The following FAF1 variants were observed in gnomAD, a reference collection of about 807,000 sequenced individuals.
FAF1 encodes FAS-associated factor 1.
In FAF1, 25 loss-of-function variants were observed where a neutral mutation model predicts 92.5. The ratio of observed to expected loss-of-function variants is 0.27; its 90% confidence interval spans 0.20 to 0.38. The LOEUF is 0.38. Among genes scored for constraint, FAF1 ranks in the 10% least tolerant of loss-of-function variants. The probability of loss-of-function intolerance (pLI) is 1.00; values close to 1 mark genes in which losing one functional copy is unlikely to be tolerated. For missense variants in FAF1, 636 were observed against 793.3 expected (o/e 0.80, Z 2.38); for synonymous variants, 234 against 273.2 (o/e 0.86, Z 1.42).
intron 6 of FAF1, among the ~76,000 whole-genome samples, chr1:50,725,225 G>A (rs1225448309): frequency 6.6e-6 from 1 of 152,110 alleles, no homozygotes; most frequent in East Asian, 1.9e-4. Flanking sequence ...TAAAACTCTA[G>A]AAGAGCCTCT....
At chr1:50,730,629 T>C (rs1180395317) in intron 6 of FAF1, among the ~76,000 whole-genome samples, 1 of 152,258 alleles carries the variant, frequency 6.6e-6, no homozygotes, top group African/African-American at 2.4e-5. Context: ...ACATTTAATT[T>C]TCTCATGCCA....
chr1:50,603,674 C>T (rs1231436146), intron 8 of FAF1, among the ~76,000 whole-genome samples: 1 of 152,148 alleles, frequency 6.6e-6, no homozygotes, highest in Non-Finnish European at 1.5e-5. Flanking sequence ...AAAAGTCACA[C>T]AGAGCTTTAA....
rs143703999 is a variant in FAF1, at chr1:50,611,784, C to T, written c.745-15568G>A. Among the ~76,000 whole-genome samples the T allele has an allele frequency of 3.9e-5, 6 of 152,268 alleles. No homozygotes were observed. The East Asian group carries it at 1.2e-3, about 29-fold the overall frequency. On this transcript the variant is annotated intron_variant, in intron 8 of 18. Transcript: ENST00000396153. ...ATTCACAAATACCCACCGTACATTA[C>T]TTGGTCAGAGTTAACAGGAATTAAC...
At chr1:50,701,437 A>C (rs1657470460) in intron 7 of FAF1, among the ~76,000 whole-genome samples, 1 of 152,132 alleles carries the variant, frequency 6.6e-6, no homozygotes, top group South Asian at 2.1e-4. Context: ...ACATTTACAG[A>C]AAGGCCATGT....
At chr1:50,509,158 A>G (rs950038323) in intron 15 of FAF1, among the ~76,000 whole-genome samples, 11 of 152,238 alleles carry the variant, frequency 7.2e-5, no homozygotes, top group South Asian at 4.1e-4. Flanking sequence ...ATACAATGGA[A>G]TATTATTCAA....
intron 13 of FAF1, among the ~76,000 whole-genome samples, chr1:50,562,607 C>G (rs1011127140): frequency 1.3e-5 from 2 of 152,172 alleles, no homozygotes. Context: ...TCTTTGACCC[C>G]CTTGGGTACA....
chr1:50,684,164 C>G (rs1182425858), intron 7 of FAF1, among the ~76,000 whole-genome samples: 14 of 151,302 alleles, frequency 9.3e-5, no homozygotes, highest in Admixed American at 9.2e-4. Flanking sequence ...AAAGTCATAG[C>G]AGGAGTAGCT....
chr1:50,692,470 CA>C (rs1044118889), intron 7 of FAF1, among the ~76,000 whole-genome samples: 1 of 152,192 alleles, frequency 6.6e-6, no homozygotes, highest in African/African-American at 2.4e-5. Context: ...ACCCCACCAC[CA>C]GCCTCTGGTA....
At chr1:50,952,254 C>A (rs1198377221) in intron 1 of FAF1, among the ~76,000 whole-genome samples, 4 of 152,196 alleles carry the variant, frequency 2.6e-5, no homozygotes, top group African/African-American at 7.2e-5. Flanking sequence ...ATTGCAGGCG[C>A]GCGCCGCCAC....
chr1:50,888,587 G>C (rs1644690150), intron 1 of FAF1, among the ~76,000 whole-genome samples: 1 of 152,062 alleles, frequency 6.6e-6, no homozygotes, highest in African/African-American at 2.4e-5. Context: ...TAGCATGAAG[G>C]GCTGTAGAAT....
chr1:50,881,755 T>A (rs1394986742), intron 1 of FAF1, among the ~76,000 whole-genome samples: 1 of 152,240 alleles, frequency 6.6e-6, no homozygotes, highest in African/African-American at 2.4e-5. Context: ...TCTAAAACAC[T>A]TGAATCTTAT....
chr1:50,693,356 G>C (rs1657023799), intron 7 of FAF1, among the ~76,000 whole-genome samples: 1 of 151,938 alleles, frequency 6.6e-6, no homozygotes. Flanking sequence ...TAAATGTAAG[G>C]GTTTCTTTCT....
chr1:50,702,703 A>G (rs774697989), intron 7 of FAF1, among the ~76,000 whole-genome samples: 2 of 152,154 alleles, frequency 1.3e-5, no homozygotes, highest in Non-Finnish European at 2.9e-5. Flanking sequence ...GAGCACCTAA[A>G]GGACACAAGT....
At chr1:50,637,209 G>A (rs775499455) in intron 8 of FAF1, among the ~76,000 whole-genome samples, 1 of 150,366 alleles carries the variant, frequency 6.7e-6, no homozygotes, top group Non-Finnish European at 1.5e-5. Flanking sequence ...GCCAAGGCAG[G>A]TGGATCACCT....
rs907204897 is a variant in FAF1, at chr1:50,760,397, C to T, written c.368-15622G>A. ...AACAGAACATACATTTTTTTCAGCA[C>T]CACAACACACTTATTCCAAAATTGA... On this transcript the variant is annotated intron_variant, in intron 4 of 18. Coordinates refer to ENST00000396153, the MANE Select transcript of FAF1 (RefSeq NM_007051.3). 2.1e-4 allele frequency among the ~76,000 whole-genome samples: 32 copies of T among 152,100 alleles called. 1 individual carries two copies. The highest frequency in any genetic ancestry group is 1.4e-3 in the Admixed American group (22 of 15,264).
intron 6 of FAF1, among the ~76,000 whole-genome samples, chr1:50,710,299 A>C (rs1348821662): frequency 1.3e-5 from 2 of 152,186 alleles, no homozygotes; most frequent in African/African-American, 4.8e-5. Context: ...ACTGCTTTAG[A>C]ACACCAATTT....
At chr1:50,779,991 G>GACAGACAGACACACACACAC (rs369288416) in intron 4 of FAF1, among the ~76,000 whole-genome samples, 26 of 145,532 alleles carry the variant, frequency 1.8e-4, no homozygotes, top group East Asian at 1.2e-3. Context: ...CAGACAGACA[G>GACAGACAGACACACACACAC]ACACACACAC....
intron 7 of FAF1, among the ~76,000 whole-genome samples, chr1:50,679,829 G>A (rs539207890): frequency 6.6e-6 from 1 of 152,224 alleles, no homozygotes; most frequent in East Asian, 1.9e-4. Context: ...TTCTGTACAT[G>A]CATTTACTTT....
chr1:50,704,999 A>G (rs1471789601), intron 7 of FAF1, among the ~76,000 whole-genome samples: 1 of 152,238 alleles, frequency 6.6e-6, no homozygotes, highest in Non-Finnish European at 1.5e-5. Context: ...TCCAAGATTA[A>G]GCATGATTAA....
Sources: gnomAD v4.1 joint callset for allele counts (sites outside exome capture counted in the v4.1 genomes callset) on GRCh38, gnomAD v4.1.1 for gene constraint, MANE v1.5 for transcripts, NCBI Gene and HGNC (gene_info 2026-07-23, HGNC 2026-07-21) for gene names.